The following RANBP2 variants were observed in gnomAD, a reference collection of about 807,000 sequenced individuals.
RANBP2 encodes RAN binding protein 2, also known as E3 SUMO-protein ligase RanBP2.
Under a neutral mutation model 303.6 loss-of-function variants are expected in RANBP2, and 57 were observed. The ratio of observed to expected loss-of-function variants is 0.19; its 90% CI spans 0.15 to 0.23. The LOEUF is 0.23. Ranked by LOEUF, RANBP2 falls within the 10% of genes least tolerant of loss-of-function variation. The pLI is 1.00. For synonymous variants in RANBP2, 1,167 were observed against 1,301.5 expected, an observed-to-expected ratio of 0.90 and a Z score of 2.23; for missense variants, 3,138 against 3,780.8, an observed-to-expected ratio of 0.83 and a Z score of 4.46.
the RANBP2 span, among the ~76,000 whole-genome samples, chr2:109,550,187 G>A: frequency 6.6e-6 from 1 of 151,872 alleles, no homozygotes; most frequent in Non-Finnish European, 1.5e-5. Flanking sequence ...CTACTCGGGA[G>A]GCTGAGGCAG....
downstream of RANBP2, chr2:108,788,787 C>T: frequency 6.3e-7 from 1 of 1,596,820 alleles, no homozygotes; most frequent in South Asian, 1.1e-5. Flanking sequence ...AGACTTATGG[C>T]CAGTGCCAGA....
At chr2:109,459,892 C>T in the RANBP2 span, among the ~76,000 whole-genome samples, 2 of 152,172 alleles carry the variant, frequency 1.3e-5, no homozygotes, top group Non-Finnish European at 2.9e-5. Flanking sequence ...GATTCCTGGG[C>T]CCATGAGTCC....
At chr2:109,669,467 C>T in the RANBP2 span, among the ~76,000 whole-genome samples, 1 of 152,162 alleles carries the variant, frequency 6.6e-6, no homozygotes, top group Non-Finnish European at 1.5e-5. Context: ...GCTCAAACAA[C>T]TCAATACCAA....
At chr2:109,317,887 A>T in the RANBP2 span, among the ~76,000 whole-genome samples, 82 of 144,638 alleles carry the variant, frequency 5.7e-4, no homozygotes, top group Admixed American at 8.0e-4. Flanking sequence ...CCAAGAGGAA[A>T]GATGTATGTG....
At chr2:109,277,382 G>A in the RANBP2 span, among the ~76,000 whole-genome samples, 4 of 152,180 alleles carry the variant, frequency 2.6e-5, no homozygotes, top group East Asian at 7.7e-4. Flanking sequence ...ATGTGACCCC[G>A]GCCTCGGTGA....
chr2:108,864,816 C>T, the RANBP2 span, among the ~76,000 whole-genome samples: 2 of 144,076 alleles, frequency 1.4e-5, no homozygotes, highest in African/African-American at 5.0e-5. Flanking sequence ...AAAAAATTAG[C>T]TTGGCATAAT....
chr2:109,394,844 C>A, the RANBP2 span, among the ~76,000 whole-genome samples: 1 of 152,200 alleles, frequency 6.6e-6, no homozygotes, highest in African/African-American at 2.4e-5. Flanking sequence ...GAGGCCTGTG[C>A]GCGAGACGAG....
the RANBP2 span, among the ~76,000 whole-genome samples, chr2:109,178,583 G>A: frequency 3.9e-5 from 6 of 152,140 alleles, no homozygotes; most frequent in African/African-American, 1.2e-4. Context: ...ACTCAAATAC[G>A]TTATTTTTCA....
chr2:109,457,049 A>C, the RANBP2 span, among the ~76,000 whole-genome samples: 1 of 152,212 alleles, frequency 6.6e-6, no homozygotes, highest in African/African-American at 2.4e-5. Context: ...CCTGTTTACC[A>C]ATTATGTGAC....
At chr2:109,495,100 C>G in the RANBP2 span, among the ~76,000 whole-genome samples, 1 of 152,326 alleles carries the variant, frequency 6.6e-6, no homozygotes, top group African/African-American at 2.4e-5. Context: ...GGCCATGCCC[C>G]GTTCCTTCCA....
the RANBP2 span, among the ~76,000 whole-genome samples, chr2:109,205,973 A>G: frequency 1.5e-4 from 23 of 152,180 alleles, no homozygotes; most frequent in African/African-American, 5.1e-4. Flanking sequence ...GAGATTTACC[A>G]TGTTTACTCC....
chr2:108,788,176 T>G (rs1679239203), downstream of RANBP2: 2 of 1,389,912 alleles, frequency 1.4e-6, no homozygotes, highest in Non-Finnish European at 2.0e-6. Flanking sequence ...CCCAGCACTT[T>G]GGGAGGCCGA....
At chr2:109,589,410 T>C in the RANBP2 span, among the ~76,000 whole-genome samples, 1 of 152,080 alleles carries the variant, frequency 6.6e-6, no homozygotes, top group Non-Finnish European at 1.5e-5. Context: ...TGCATGCCTG[T>C]AGTCCCAGCT....
chr2:109,644,372 A>G, the RANBP2 span, among the ~76,000 whole-genome samples: 24 of 152,084 alleles, frequency 1.6e-4, no homozygotes, highest in Non-Finnish European at 5.9e-5. Flanking sequence ...TCACTATTGC[A>G]ATTTCCCTGT....
At chr2:108,901,334 C>T in the RANBP2 span, among the ~76,000 whole-genome samples, 2 of 151,982 alleles carry the variant, frequency 1.3e-5, no homozygotes, top group South Asian at 4.2e-4. Flanking sequence ...TAAAGTAGTA[C>T]TGAGAGTGAA....
chr2:108,897,292 A>C, the RANBP2 span: 4 of 1,435,710 alleles, frequency 2.8e-6, no homozygotes, highest in Admixed American at 7.5e-5. Flanking sequence ...GTCAACACTG[A>C]AAAATTATTT....
At chr2:109,611,423 C>A in the RANBP2 span, among the ~76,000 whole-genome samples, 1 of 151,018 alleles carries the variant, frequency 6.6e-6, no homozygotes, top group East Asian at 1.9e-4. Context: ...ATTTTCAAAT[C>A]ACATATCTGA....
At chr2:108,824,716 A>G in the RANBP2 span, among the ~76,000 whole-genome samples, 1 of 152,246 alleles carries the variant, frequency 6.6e-6, no homozygotes, top group Admixed American at 6.5e-5. Flanking sequence ...TATGTACTGT[A>G]CATAACAAAT....
the RANBP2 span, among the ~76,000 whole-genome samples, chr2:109,055,967 C>T: frequency 2.0e-5 from 3 of 151,886 alleles, no homozygotes; most frequent in Admixed American, 6.6e-5. Flanking sequence ...ACCATCTTGG[C>T]CAGGCTGGTC....
Sources: gnomAD v4.1 joint callset for allele counts (sites outside exome capture counted in the v4.1 genomes callset) on GRCh38, gnomAD v4.1.1 for gene constraint, MANE v1.5 for transcripts, NCBI Gene and HGNC (gene_info 2026-07-23, HGNC 2026-07-21) for gene names.